DNMBP: variants seen among roughly 807,000 people sequenced by gnomAD.
DNMBP encodes the protein dynamin-binding protein.
DNMBP carries 87 observed loss-of-function variants against 150.0 expected under a neutral mutation model. That is an observed-to-expected ratio of 0.58 (90% CI 0.49 to 0.69). DNMBP has a LOEUF of 0.69. Among genes scored for constraint, DNMBP ranks in the 30% least tolerant of loss-of-function variants. The pLI, the probability that DNMBP is intolerant of heterozygous loss-of-function variation, is 0.00. For missense variants in DNMBP, 1,774 were observed against 1,949.0 expected, an observed-to-expected ratio of 0.91 and a Z score of 1.69; for synonymous variants, 711 against 750.4, an observed-to-expected ratio of 0.95 and a Z score of 0.86.
chr10:99,893,096 C>A (rs2039597916), intron 11 of DNMBP, among the ~76,000 whole-genome samples: 1 of 152,194 alleles, frequency 6.6e-6, no homozygotes, highest in Non-Finnish European at 1.5e-5. Flanking sequence ...ACAATTTAAA[C>A]TATATTGAAA....
intron 6 of DNMBP, among the ~76,000 whole-genome samples, chr10:99,902,565 C>T (rs2039760012): frequency 6.6e-6 from 1 of 150,606 alleles, no homozygotes; most frequent in Non-Finnish European, 1.5e-5. Context: ...CCGTCTCAGC[C>T]TCCCAAAGTG....
chr10:99,912,335 C>T (rs1435251448), intron 4 of DNMBP, among the ~76,000 whole-genome samples: 1 of 152,146 alleles, frequency 6.6e-6, no homozygotes, highest in African/African-American at 2.4e-5. Flanking sequence ...AATCAAAATT[C>T]TACTAATTAT....
In DNMBP at chr10:99,971,888, C is replaced by T. The variant is rs879101876; in HGVS notation, c.145+92G>A. 4.5e-5 allele frequency: 50 copies of T among 1,108,994 alleles called. 1 individual carries two copies. In the South Asian group the frequency reaches 7.9e-4, roughly 17 times the overall value. The allele number at this position is 1,108,994 out of a possible 1,614,324, so 68.7% of individuals were successfully genotyped here. A position where few individuals can be genotyped will look rare whatever the true frequency, so the allele number is the denominator to read the frequency against. ...TTTTTTTTTTTAAGACAGGGTCTCACTCTGTTGCCCAGGCTGGAGTGCAGT... is the reference window on the plus strand; with the variant it reads ...TTTTTTTTTTTAAGACAGGGTCTCATTCTGTTGCCCAGGCTGGAGTGCAGT... On this transcript the variant is annotated intron_variant, in intron 2 of 16. Coordinates refer to ENST00000324109, the MANE Select transcript of DNMBP (RefSeq NM_015221.4).
intron 6 of DNMBP, among the ~76,000 whole-genome samples, chr10:99,901,461 T>C (rs1471226171): frequency 6.6e-6 from 1 of 152,180 alleles, no homozygotes; most frequent in East Asian, 1.9e-4. Flanking sequence ...ATTCATACTT[T>C]AAATAAATGC....
intron 4 of DNMBP, among the ~76,000 whole-genome samples, chr10:99,952,689 A>T (rs2040438257): frequency 6.6e-6 from 1 of 152,206 alleles, no homozygotes; most frequent in African/African-American, 2.4e-5. Flanking sequence ...TTTCCTAAGA[A>T]TATTTTGAAT....
At position 100,009,895 on chromosome 10, in the gene DNMBP, C is replaced by G. The variant is rs2041115729; in HGVS notation, c.-68G>C. On this transcript the variant is annotated 5_prime_UTR_variant, in exon 1 of 17. Coordinates refer to ENST00000324109, the MANE Select transcript of DNMBP (RefSeq NM_015221.4). Reference sequence around the variant, plus strand: ...GGCAGGCAGTTGCAGCCGCCAGTCCCCAGCCCGCTGTCACCTCCGCCCCTG... The same window carrying G: ...GGCAGGCAGTTGCAGCCGCCAGTCCGCAGCCCGCTGTCACCTCCGCCCCTG... The G allele has an allele frequency of 6.7e-6, 1 of 148,580 alleles. No individual in the cohort carries two copies. Among genetic ancestry groups the G allele is most frequent in the South Asian group, 2.1e-4 (1 of 4,838 alleles). 9.2% of individuals were successfully genotyped at this position (148,580 alleles called of 1,614,324 possible).
intron 3 of DNMBP, among the ~76,000 whole-genome samples, chr10:99,960,520 A>T (rs911565893): frequency 2.5e-4 from 38 of 152,272 alleles, no homozygotes; most frequent in African/African-American, 8.9e-4. Flanking sequence ...TTAAAAAAAA[A>T]TTAGGCCAGG....
chr10:99,891,847 C>G (rs866548779), intron 11 of DNMBP, among the ~76,000 whole-genome samples: 1 of 148,014 alleles, frequency 6.8e-6, no homozygotes, highest in South Asian at 2.2e-4. Context: ...ATGTGAGGAG[C>G]GCCTCTGCCC....
chr10:99,967,498 C>T (rs1329554728), intron 3 of DNMBP, among the ~76,000 whole-genome samples: 1 of 152,082 alleles, frequency 6.6e-6, no homozygotes, highest in African/African-American at 2.4e-5. Flanking sequence ...TGCACTCCAG[C>T]CTCGACAGAA....
At position 99,877,027 on chromosome 10, in the gene DNMBP, T is replaced by C; in HGVS notation, c.*124A>G. ...ACAAGATCTGTGGTGTGCTCCACCA[T>C]GCCATGGTTAAGCAACGCAGACAGG... On this transcript the variant is annotated 3_prime_UTR_variant, in exon 17 of 17. Transcript: ENST00000324109. The C allele has an allele frequency of 1.3e-6, 1 of 775,086 alleles. No individual in the cohort carries two copies. 48.0% of individuals were successfully genotyped at this position (775,086 alleles called of 1,614,324 possible).
intron 2 of DNMBP, among the ~76,000 whole-genome samples, chr10:99,969,768 T>G (rs1035582471): frequency 3.3e-5 from 5 of 152,110 alleles, no homozygotes; most frequent in African/African-American, 1.2e-4. Context: ...GTCTGATTGA[T>G]TCTACCTTCT....
rs2039714266 is a variant in DNMBP at position 99,899,923 on chromosome 10, G to C, written c.2698C>G (p.Leu900Val). The stretch of plus-strand genomic sequence containing the variant: ...TTAAGTGGTCAAAACTCCTACTTCA[G>C]ATCTGCCAAGGAGTCCTGAAGATGC... ...QKHLQDSLADLKSLYNEWGCT... is the reference protein window; with the variant it reads ...QKHLQDSLADVKSLYNEWGCT... The change falls in exon 7 of 17, where the codon CTG becomes GTG. Residue 900 changes from leucine (L) to valine (V), a missense_variant. Physicochemically the swap from Leu to Val is conservative, Grantham distance 32. This residue lies in a region of DNMBP where 1,430 missense variants were observed against 1,492.5 expected (regional missense o/e 0.96). Transcript: ENST00000324109. The C allele has an allele frequency of 2.5e-6, 4 of 1,614,012 alleles. No homozygotes were observed. Among genetic ancestry groups the C allele is most frequent in the Non-Finnish European group, 3.4e-6 (4 of 1,180,032 alleles).
At chr10:99,999,897 G>C (rs920569791) in intron 1 of DNMBP, among the ~76,000 whole-genome samples, 2 of 152,190 alleles carry the variant, frequency 1.3e-5, no homozygotes, top group African/African-American at 4.8e-5. Flanking sequence ...GTAGGCACTG[G>C]TAAGTGTCAG....
chr10:99,904,974 A>G (rs1259619038), intron 6 of DNMBP, among the ~76,000 whole-genome samples: 2 of 152,204 alleles, frequency 1.3e-5, no homozygotes, highest in Non-Finnish European at 2.9e-5. Context: ...TGAGAGCCCC[A>G]GGAACGACAA....
At chr10:99,990,747 GTATATACACATATATACACA>G (rs10531742) in intron 1 of DNMBP, among the ~76,000 whole-genome samples, 13 of 137,616 alleles carry the variant, frequency 9.4e-5, no homozygotes, top group African/African-American at 3.4e-4. Context: ...ATATGCACAT[GTATATACACATATATACACA>G]TATATACACA....
In DNMBP at chr10:99,953,696, T is replaced by G. The variant is rs368702625; in HGVS notation, c.2260+1518A>C. ...TTAGCCAGGCGTGGTGGCATGCACCTGTAATCTCAGCTATTCAGGAGGCTG... is the reference window on the plus strand; with the variant it reads ...TTAGCCAGGCGTGGTGGCATGCACCGGTAATCTCAGCTATTCAGGAGGCTG... On this transcript the variant is annotated intron_variant, in intron 4 of 16. Coordinates refer to ENST00000324109, the MANE Select transcript of DNMBP (RefSeq NM_015221.4). Among the ~76,000 whole-genome samples, 114 of 151,988 alleles carry G rather than the reference T, an allele frequency of 7.5e-4. 1 individual carries two copies. Among genetic ancestry groups the G allele is most frequent in the African/African-American group, 2.7e-3 (113 of 41,420 alleles).
At chr10:99,975,968 C>T (rs1414067322) in intron 1 of DNMBP, among the ~76,000 whole-genome samples, 1 of 152,112 alleles carries the variant, frequency 6.6e-6, no homozygotes, top group Non-Finnish European at 1.5e-5. Context: ...GTTATTGGTT[C>T]CCATTTGGCA....
At position 99,955,346 on chromosome 10, in the gene DNMBP, T is replaced by C. The variant is rs1403166363; in HGVS notation, c.2128A>G (p.Arg710Gly). Residue 710 changes from arginine (R) to glycine (G), a missense_variant, in exon 4 of 17, where the codon AGA becomes GGA. By Grantham distance (125) the Arg-to-Gly change is moderately radical (BLOSUM62 -2). Coordinates refer to ENST00000324109, the MANE Select transcript of DNMBP (RefSeq NM_015221.4). ...EMERDLDMYSRAQEELNLMLE... is the reference protein window; with the variant it reads ...EMERDLDMYSGAQEELNLMLE... ...ATGAGGTTTAGCTCTTCTTGAGCTC[T>C]ACTGTACATATCCAAGTCCCGCTCC... 1.9e-6 allele frequency: 3 copies of C among 1,614,206 alleles called. No individual in the cohort carries two copies. The highest frequency in any genetic ancestry group is 1.7e-5 in the Admixed American group (1 of 60,026).
At position 99,944,773 on chromosome 10, in the gene DNMBP, G is replaced by T. The variant is rs1014529725; in HGVS notation, c.2260+10441C>A. 5.0e-4 allele frequency among the ~76,000 whole-genome samples: 76 copies of T among 152,216 alleles called. 1 individual carries two copies. The highest frequency in any genetic ancestry group is 1.8e-3 in the African/African-American group (74 of 41,514). ...TGTCTAGTATTCTACCCTGACTCTAGATGATAATTCCAAATTTAAAACTCC... is the reference window on the plus strand; with the variant it reads ...TGTCTAGTATTCTACCCTGACTCTATATGATAATTCCAAATTTAAAACTCC... On this transcript the variant is annotated intron_variant, in intron 4 of 16. Coordinates refer to ENST00000324109, the MANE Select transcript of DNMBP (RefSeq NM_015221.4).
Sources: gnomAD v4.1 joint callset for allele counts (sites outside exome capture counted in the v4.1 genomes callset) on GRCh38, gnomAD v4.1.1 for gene constraint, gnomAD v4.1.1 regional missense constraint, MANE v1.5 for transcripts, NCBI Gene and HGNC (gene_info 2026-07-23, HGNC 2026-07-21) for gene names.